Variants in PRSS23 observed in about 807,000 individuals in gnomAD.
PRSS23 encodes the protein protease, serine 23.
A neutral mutation model predicts 34.7 loss-of-function variants in PRSS23; 25 were observed. The ratio of observed to expected loss-of-function variants is 0.72; its 90% CI spans 0.53 to 1.01. The LOEUF (loss-of-function observed/expected upper bound fraction) is 1.01. Ranked by LOEUF, PRSS23 falls within the 50% of genes least tolerant of loss-of-function variation. The probability of loss-of-function intolerance (pLI) is 0.00; values close to 1 mark genes in which losing one functional copy is unlikely to be tolerated. For synonymous variants in PRSS23, 176 were observed against 186.6 expected (o/e 0.94, Z 0.46); for missense variants, 445 against 475.6 (o/e 0.94, Z 0.60).
chr11:86,921,779 T>A (rs1195231372), intron 2 of PRSS23: 2 of 152,244 alleles, frequency 1.3e-5, no homozygotes, highest in Admixed American at 1.3e-4. Context: ...CTGTTACAGC[T>A]TAGTGGATAT....
At chr11:86,899,133 C>A (rs562511353) in intron 2 of PRSS23, among the ~76,000 whole-genome samples, 14 of 152,144 alleles carry the variant, frequency 9.2e-5, no homozygotes, top group Non-Finnish European at 1.8e-4. Flanking sequence ...GGCCAGCATG[C>A]ATTCCTGTGC....
chr11:86,831,870 A>G (rs1159191911), intron 2 of PRSS23, among the ~76,000 whole-genome samples: 1 of 151,906 alleles, frequency 6.6e-6, no homozygotes, highest in Non-Finnish European at 1.5e-5. Flanking sequence ...TCCTAATGTC[A>G]CAGGTGATGT....
At chr11:86,876,577 A>T (rs545725582) in intron 2 of PRSS23, among the ~76,000 whole-genome samples, 46 of 152,298 alleles carry the variant, frequency 3.0e-4, no homozygotes, top group African/African-American at 1.0e-3. Context: ...GGACCACCAG[A>T]ATTGACATCA....
At chr11:86,891,161 GCCGGC>G (rs1461206154) in intron 2 of PRSS23, among the ~76,000 whole-genome samples, 2 of 152,054 alleles carry the variant, frequency 1.3e-5, no homozygotes, top group Admixed American at 1.3e-4. Flanking sequence ...GACATTTACA[GCCGGC>G]TCTCCACCAC....
intron 2 of PRSS23, among the ~76,000 whole-genome samples, chr11:86,881,255 CTT>C (rs60383309): frequency 0.012 from 1,634 of 138,006 alleles, 28 homozygotes; most frequent in African/African-American, 0.036. Flanking sequence ...TTGTTGAGTG[CTT>C]TTTTTTTTTT....
In PRSS23 at chr11:86,912,846, T is replaced by C. The variant is rs1948986576; in HGVS notation, c.207-38370T>C. Among the ~76,000 whole-genome samples the C allele has an allele frequency of 1.3e-5, 2 of 152,212 alleles. 1 individual carries two copies. Among genetic ancestry groups the C allele is most frequent in the African/African-American group, 4.8e-5 (2 of 41,462 alleles). ...TTTATAATAATTTTGGATTATGTCT[T>C]GGACATTGTGAGTGATATGTTGTAA... On this transcript the variant is annotated intron_variant, in intron 2 of 2. Coordinates refer to the PRSS23 transcript ENST00000533902.
intron 2 of PRSS23, among the ~76,000 whole-genome samples, chr11:86,875,016 C>T (rs1429409153): frequency 6.6e-6 from 1 of 152,140 alleles, no homozygotes; most frequent in Non-Finnish European, 1.5e-5. Flanking sequence ...TCCTTAGAGG[C>T]TTAGGACCCC....
At chr11:86,821,474 T>A (rs1948251148) in intron 1 of PRSS23, 8 of 1,609,742 alleles carry the variant, frequency 5.0e-6, no homozygotes, top group Admixed American at 1.7e-5. Flanking sequence ...AGCAGGACAC[T>A]CTTTCAGAGC....
intron 2 of PRSS23, among the ~76,000 whole-genome samples, chr11:86,905,305 C>G (rs564005225): frequency 6.6e-6 from 1 of 152,286 alleles, no homozygotes; most frequent in Admixed American, 6.5e-5. Flanking sequence ...CTCTTTCTGG[C>G]TATTCCACAG....
At chr11:86,919,352 G>C (rs1029562464) in intron 2 of PRSS23, among the ~76,000 whole-genome samples, 1 of 152,190 alleles carries the variant, frequency 6.6e-6, no homozygotes, top group African/African-American at 2.4e-5. Flanking sequence ...TGCCACAGAC[G>C]GAGGCCCTGT....
rs531293115 is a variant in PRSS23 at position 86,836,347 on chromosome 11, G to A, written c.206+12754G>A. Among the ~76,000 whole-genome samples, 4 of 152,254 alleles carry A rather than the reference G, an allele frequency of 2.6e-5. No individual in the cohort carries two copies. In the South Asian group the frequency reaches 8.3e-4, roughly 32 times the overall value. On this transcript the variant is annotated intron_variant, in intron 2 of 2. Transcript: ENST00000533902. The stretch of plus-strand genomic sequence containing the variant: ...GTCTAAGGGGATACTGCCTTTGGTA[G>A]GGAAAGGAGGCAGAATCCTTTAGTT...
chr11:86,924,171 G>A (rs1009959678), intron 2 of PRSS23, among the ~76,000 whole-genome samples: 1 of 152,140 alleles, frequency 6.6e-6, no homozygotes, highest in Non-Finnish European at 1.5e-5. Flanking sequence ...GAGGACAGCA[G>A]GGGAGTGAAA....
At chr11:86,859,684 A>G (rs1443897365) in intron 2 of PRSS23, among the ~76,000 whole-genome samples, 1 of 151,938 alleles carries the variant, frequency 6.6e-6, no homozygotes, top group African/African-American at 2.4e-5. Context: ...ATTACTCCCA[A>G]TATCCCAGAA....
At chr11:86,819,230 C>A (rs137939434) in intron 1 of PRSS23, among the ~76,000 whole-genome samples, 1 of 152,098 alleles carries the variant, frequency 6.6e-6, no homozygotes, top group Non-Finnish European at 1.5e-5. Flanking sequence ...AGAAAGCCAG[C>A]GAGAGACCCA....
intron 2 of PRSS23, among the ~76,000 whole-genome samples, chr11:86,828,669 A>G (rs1490940069): frequency 6.6e-6 from 1 of 151,852 alleles, no homozygotes; most frequent in Non-Finnish European, 1.5e-5. Context: ...TTCCTTCAGG[A>G]GCTCTTTTAG....
intron 2 of PRSS23, among the ~76,000 whole-genome samples, chr11:86,828,937 T>A (rs1211287378): frequency 6.6e-6 from 1 of 152,182 alleles, no homozygotes; most frequent in Admixed American, 6.5e-5. Flanking sequence ...ATTTTTTCCT[T>A]CATTTCAACT....
At chr11:86,930,633 T>G (rs1176467813) in intron 2 of PRSS23, among the ~76,000 whole-genome samples, 3 of 151,792 alleles carry the variant, frequency 2.0e-5, no homozygotes, top group Non-Finnish European at 4.4e-5. Context: ...CTACTAAAAA[T>G]ACAAAAATTA....
intron 1 of PRSS23, among the ~76,000 whole-genome samples, chr11:86,793,798 T>C (rs796184925): frequency 1.6e-4 from 24 of 152,320 alleles, no homozygotes; most frequent in African/African-American, 5.1e-4. Flanking sequence ...TGCTAGACTA[T>C]AGCAGAAAAC....
chr11:86,897,892 C>G (rs1948887236), intron 2 of PRSS23, among the ~76,000 whole-genome samples: 1 of 152,166 alleles, frequency 6.6e-6, no homozygotes, highest in African/African-American at 2.4e-5. Flanking sequence ...TATTGAGAGC[C>G]TCTTATGGGC....
Sources: allele counts gnomAD v4.1 joint callset (sites outside exome capture counted in the v4.1 genomes callset), GRCh38; gene constraint gnomAD v4.1.1; transcripts MANE v1.5; gene names NCBI Gene and HGNC (gene_info 2026-07-23, HGNC 2026-07-21).